Variants in CCDC91 observed in about 807,000 individuals in gnomAD.
CCDC91 encodes the protein coiled-coil domain-containing protein 91.
Under a neutral mutation model 63.2 loss-of-function variants are expected in CCDC91, and 48 were observed. The observed-to-expected ratio is 0.76, with a 90% CI of 0.60 to 0.97. The LOEUF is 0.97. Ranked by LOEUF, CCDC91 falls within the 50% of genes least tolerant of loss-of-function variation. CCDC91 has a pLI of 0.00. For synonymous variants in CCDC91, 167 were observed against 165.8 expected (o/e 1.01, Z -0.06); for missense variants, 500 against 494.6 (o/e 1.01, Z -0.10).
intron 12 of CCDC91, among the ~76,000 whole-genome samples, chr12:28,486,918 A>G (rs1353913270): frequency 6.6e-6 from 1 of 152,046 alleles, no homozygotes; most frequent in African/African-American, 2.4e-5. Flanking sequence ...CAGAGTTGTT[A>G]TGAATTAATA....
At chr12:28,450,487 A>G in intron 10 of CCDC91, 69 bp downstream of exon 10, 10 of 1,047,994 alleles carry the variant, frequency 9.5e-6, no homozygotes, top group Non-Finnish European at 1.5e-5. Context: ...TATTAATAGT[A>G]TTCTCAATCT....
At chr12:28,433,518 T>C (rs545444443) in intron 8 of CCDC91, among the ~76,000 whole-genome samples, 2 of 152,118 alleles carry the variant, frequency 1.3e-5, no homozygotes, top group African/African-American at 4.8e-5. Flanking sequence ...AAATATCAGT[T>C]GACTATATGC....
rs562909960 is a variant in CCDC91 at position 28,378,461 on chromosome 12, CTTGTA to C, written c.655-12836_655-12832del. On this transcript the variant is annotated intron_variant, in intron 7 of 12. Coordinates refer to ENST00000536442, the MANE Select transcript of CCDC91 (RefSeq NM_018318.5). ...AATATTTTCCCAGGGTGTAGAGTTA[CTTGTA>C]TTGTATAAAGTTCTTTTCCAAGGAG... is the stretch of plus-strand genomic sequence containing the variant. Among the ~76,000 whole-genome samples, 157 of 152,044 alleles carry C rather than the reference CTTGTA, an allele frequency of 1.0e-3. 1 individual carries two copies. The highest frequency in any genetic ancestry group is 3.4e-3 in the African/African-American group (141 of 41,514).
chr12:28,233,314 C>T (rs1944727571), intron 1 of CCDC91, among the ~76,000 whole-genome samples: 1 of 152,096 alleles, frequency 6.6e-6, no homozygotes, highest in South Asian at 2.1e-4. Flanking sequence ...TTTGCCTATT[C>T]TTGAACTTCA....
intron 3 of CCDC91, among the ~76,000 whole-genome samples, chr12:28,275,705 C>G (rs1041823555): frequency 6.6e-6 from 1 of 151,962 alleles, no homozygotes; most frequent in Non-Finnish European, 1.5e-5. Flanking sequence ...TGATGAACAC[C>G]GATGCAAAAA....
chr12:28,218,346 T>C (rs1205367963), intron 1 of CCDC91, among the ~76,000 whole-genome samples: 1 of 152,156 alleles, frequency 6.6e-6, no homozygotes, highest in Non-Finnish European at 1.5e-5. Flanking sequence ...AAGTCTCTAA[T>C]AGAAAGCTCG....
intron 1 of CCDC91, among the ~76,000 whole-genome samples, chr12:28,216,597 G>A (rs887122209): frequency 2.6e-5 from 4 of 151,972 alleles, no homozygotes; most frequent in African/African-American, 9.7e-5. Flanking sequence ...AAGTTGGGGT[G>A]TGTGTTTGTG....
At chr12:28,426,287 G>C (rs979605972) in intron 8 of CCDC91, among the ~76,000 whole-genome samples, 1 of 152,076 alleles carries the variant, frequency 6.6e-6, no homozygotes, top group African/African-American at 2.4e-5. Flanking sequence ...TACTTTAGGT[G>C]TACATTATTT....
At chr12:28,361,581 T>A (rs964669612) in intron 6 of CCDC91, among the ~76,000 whole-genome samples, 5 of 152,122 alleles carry the variant, frequency 3.3e-5, no homozygotes, top group African/African-American at 1.2e-4. Context: ...TCTTTATTTT[T>A]TTTCACTGTC....
intron 8 of CCDC91, among the ~76,000 whole-genome samples, chr12:28,439,243 CTTCTT>C (rs1053135237): frequency 2.0e-5 from 3 of 152,038 alleles, no homozygotes; most frequent in African/African-American, 4.8e-5. Flanking sequence ...CTTGTGGTAA[CTTCTT>C]TAAGTAGATT....
At chr12:28,196,230 G>T (rs762936313) in intron 1 of CCDC91, among the ~76,000 whole-genome samples, 6 of 152,076 alleles carry the variant, frequency 3.9e-5, no homozygotes, top group Non-Finnish European at 8.8e-5. Flanking sequence ...GTTTTATGTT[G>T]TTTGGTTCTG....
chr12:28,475,125 C>T (rs1162475284), intron 11 of CCDC91, among the ~76,000 whole-genome samples: 1 of 151,966 alleles, frequency 6.6e-6, no homozygotes, highest in African/African-American at 2.4e-5. Context: ...TTAACATAAA[C>T]AAATTTTAAG....
At chr12:28,443,142 C>CTT (rs5797271) in intron 8 of CCDC91, among the ~76,000 whole-genome samples, 151,544 of 151,554 alleles carry the variant, frequency 1, 75,767 homozygotes, top group Middle Eastern at 1. Context: ...GAATTTTTTT[C>CTT]CCAGGTCTAG....
chr12:28,522,001 C>T (rs963069831), intron 12 of CCDC91, among the ~76,000 whole-genome samples: 6 of 152,142 alleles, frequency 3.9e-5, no homozygotes, highest in Non-Finnish European at 7.3e-5. Context: ...ATTTTTGCAT[C>T]AATGTTCATC....
At chr12:28,541,504 T>G (rs1312325546) in intron 12 of CCDC91, among the ~76,000 whole-genome samples, 1 of 152,110 alleles carries the variant, frequency 6.6e-6, no homozygotes, top group African/African-American at 2.4e-5. Context: ...GAAGGATACA[T>G]AGTAATTGAC....
chr12:28,270,241 A>G (rs1947663411), intron 3 of CCDC91, among the ~76,000 whole-genome samples: 1 of 152,108 alleles, frequency 6.6e-6, no homozygotes, highest in Non-Finnish European at 1.5e-5. Context: ...GACTGCCTAA[A>G]GTACTTAGAA....
At chr12:28,435,113 C>T (rs1262777550) in intron 8 of CCDC91, among the ~76,000 whole-genome samples, 5 of 150,920 alleles carry the variant, frequency 3.3e-5, no homozygotes, top group Admixed American at 2.0e-4. Flanking sequence ...ATTTTTTTTC[C>T]TCTATTTTCT....
intron 1 of CCDC91, among the ~76,000 whole-genome samples, chr12:28,217,710 C>A (rs1042877242): frequency 2.0e-5 from 3 of 151,536 alleles, no homozygotes; most frequent in African/African-American, 7.3e-5. Flanking sequence ...CGACCCTAGG[C>A]AGGCTAGGAT....
chr12:28,357,525 GT>G (rs1206982361), intron 6 of CCDC91, among the ~76,000 whole-genome samples: 2 of 152,150 alleles, frequency 1.3e-5, no homozygotes, highest in East Asian at 3.9e-4. Context: ...GTGATTCTGT[GT>G]TTTATTGAGT....
Sources: gnomAD v4.1 joint callset for allele counts (sites outside exome capture counted in the v4.1 genomes callset) on GRCh38, gnomAD v4.1.1 for gene constraint, MANE v1.5 for transcripts, NCBI Gene and HGNC (gene_info 2026-07-23, HGNC 2026-07-21) for gene names.